The following CNTNAP5 variants were observed in gnomAD, a reference collection of about 807,000 sequenced individuals.
The protein encoded by CNTNAP5 is contactin-associated protein-like 5.
In CNTNAP5, 72 loss-of-function variants were observed where a neutral mutation model predicts 150.2. The observed-to-expected ratio is 0.48, with a 90% CI of 0.40 to 0.58. The LOEUF (loss-of-function observed/expected upper bound fraction) is 0.58. Ranked by LOEUF, CNTNAP5 falls within the 20% of genes least tolerant of loss-of-function variation. The probability of loss-of-function intolerance (pLI) is 0.00; values close to 1 mark genes in which losing one functional copy is unlikely to be tolerated. For missense variants in CNTNAP5, 1,636 were observed against 1,626.2 expected, an observed-to-expected ratio of 1.01 and a Z score of -0.10; for synonymous variants, 672 against 619.8, an observed-to-expected ratio of 1.08 and a Z score of -1.25.
intron 10 of CNTNAP5, among the ~76,000 whole-genome samples, chr2:124,532,278 T>C (rs940228596): frequency 5.9e-5 from 9 of 152,308 alleles, no homozygotes; most frequent in Admixed American, 5.9e-4. Flanking sequence ...GAATATGCAA[T>C]ATGTCAGATT....
At chr2:124,068,869 G>A (rs777389477) in intron 1 of CNTNAP5, among the ~76,000 whole-genome samples, 7 of 151,922 alleles carry the variant, frequency 4.6e-5, no homozygotes, top group Non-Finnish European at 8.8e-5. Context: ...AGAAAGGAAC[G>A]ATCTGGTCCT....
intron 21 of CNTNAP5, among the ~76,000 whole-genome samples, chr2:124,879,369 G>A (rs918476623): frequency 1.5e-4 from 23 of 152,136 alleles, no homozygotes; most frequent in Non-Finnish European, 1.8e-4. Flanking sequence ...TAGAACTGTG[G>A]TTACCTGAAA....
At chr2:124,203,165 G>A (rs987797815) in intron 1 of CNTNAP5, among the ~76,000 whole-genome samples, 7 of 152,106 alleles carry the variant, frequency 4.6e-5, no homozygotes, top group Non-Finnish European at 1.0e-4. Flanking sequence ...AAAACGAAGG[G>A]GTTACAGGCC....
At chr2:124,402,543 G>T (rs545730815) in intron 3 of CNTNAP5, among the ~76,000 whole-genome samples, 1 of 152,288 alleles carries the variant, frequency 6.6e-6, no homozygotes, top group Non-Finnish European at 1.5e-5. Context: ...AGTGTTGGCT[G>T]AAATCCTTGT....
At chr2:124,340,971 G>A (rs1246881066) in intron 3 of CNTNAP5, among the ~76,000 whole-genome samples, 4 of 151,142 alleles carry the variant, frequency 2.6e-5, no homozygotes, top group Non-Finnish European at 4.4e-5. Flanking sequence ...ACCTACTCAG[G>A]AGGCTAAGAT....
chr2:124,668,932 C>A (rs546242312), intron 13 of CNTNAP5, among the ~76,000 whole-genome samples: 90 of 152,090 alleles, frequency 5.9e-4, no homozygotes, highest in Non-Finnish European at 1.1e-3. Context: ...GGTGCTATAC[C>A]TTTAAGCCTT....
intron 1 of CNTNAP5, among the ~76,000 whole-genome samples, chr2:124,215,712 C>CAAAAAAAAAGAAA (rs1686139286): frequency 1.2e-5 from 1 of 82,058 alleles, no homozygotes; most frequent in Non-Finnish European, 2.5e-5. Flanking sequence ...AGAAGAAAGG[C>CAAAAAAAAAGAAA]AAAAAAAAAA....
At chr2:124,156,164 G>A (rs1684542919) in intron 1 of CNTNAP5, among the ~76,000 whole-genome samples, 1 of 152,236 alleles carries the variant, frequency 6.6e-6, no homozygotes, top group Non-Finnish European at 1.5e-5. Context: ...GAAGCTCATG[G>A]TCGACTCTGA....
chr2:124,357,324 G>T (rs897547519), intron 3 of CNTNAP5, among the ~76,000 whole-genome samples: 1 of 152,146 alleles, frequency 6.6e-6, no homozygotes. Context: ...GATCCCATTT[G>T]TCAATTTTGT....
chr2:124,122,517 T>C (rs1454688497), intron 1 of CNTNAP5, among the ~76,000 whole-genome samples: 1 of 152,210 alleles, frequency 6.6e-6, no homozygotes, highest in Non-Finnish European at 1.5e-5. Flanking sequence ...TCTCCTTCTC[T>C]GTAACCCTTT....
At chr2:124,338,031 T>C (rs1689520935) in intron 3 of CNTNAP5, among the ~76,000 whole-genome samples, 1 of 152,200 alleles carries the variant, frequency 6.6e-6, no homozygotes, top group Non-Finnish European at 1.5e-5. Context: ...TTGTATCCTC[T>C]TTTATTTCAT....
chr2:124,566,034 T>C (rs10165144), intron 11 of CNTNAP5, among the ~76,000 whole-genome samples: 2,452 of 151,820 alleles, frequency 0.016, 64 homozygotes, highest in African/African-American at 0.056. Context: ...TGTGTTTTTA[T>C]CTAAGAGTCC....
chr2:124,557,692 A>G (rs74537348), intron 10 of CNTNAP5, among the ~76,000 whole-genome samples: 197 of 152,304 alleles, frequency 1.3e-3, no homozygotes, highest in African/African-American at 4.6e-3. Flanking sequence ...CACTAAAGAC[A>G]AATAAAATGG....
intron 3 of CNTNAP5, among the ~76,000 whole-genome samples, chr2:124,313,633 C>G (rs1688887607): frequency 6.6e-6 from 1 of 152,168 alleles, no homozygotes; most frequent in Admixed American, 6.5e-5. Context: ...TGGCTGTGTC[C>G]TCACACCCCT....
At chr2:124,874,802 C>A (rs1286485120) in intron 21 of CNTNAP5, among the ~76,000 whole-genome samples, 2 of 151,954 alleles carry the variant, frequency 1.3e-5, no homozygotes, top group African/African-American at 4.8e-5. Flanking sequence ...ATGGAATTTG[C>A]ACTCATGGCA....
intron 3 of CNTNAP5, among the ~76,000 whole-genome samples, chr2:124,341,161 G>A (rs975059318): frequency 6.6e-6 from 1 of 151,998 alleles, no homozygotes; most frequent in Admixed American, 6.6e-5. Flanking sequence ...AGTCTGTCTG[G>A]TTATTTAAAT....
chr2:124,376,503 G>A (rs1378921378), intron 3 of CNTNAP5, among the ~76,000 whole-genome samples: 1 of 152,052 alleles, frequency 6.6e-6, no homozygotes, highest in East Asian at 1.9e-4. Flanking sequence ...AGTTTTTCAT[G>A]ATCTTTATGA....
chr2:124,772,776 C>T, intron 16 of CNTNAP5, 23 bp from the exon 17 acceptor site: 1 of 1,597,294 alleles, frequency 6.3e-7, no homozygotes. Context: ...CTCTATCCTT[C>T]CTGTTTTCCT....
At chr2:124,547,087 C>A (rs1695529139) in intron 10 of CNTNAP5, among the ~76,000 whole-genome samples, 3 of 152,224 alleles carry the variant, frequency 2.0e-5, no homozygotes, top group Admixed American at 1.3e-4. Flanking sequence ...CACCCCCGAC[C>A]AAAACCCTAG....
Sources: allele counts gnomAD v4.1 joint callset (sites outside exome capture counted in the v4.1 genomes callset), GRCh38; gene constraint gnomAD v4.1.1; transcripts MANE v1.5; gene names NCBI Gene and HGNC (gene_info 2026-07-23, HGNC 2026-07-21).